Variants in ADCY8 observed in about 807,000 individuals in gnomAD.
ADCY8 encodes the protein adenylate cyclase 8.
In ADCY8, 51 loss-of-function variants were observed where a neutral mutation model predicts 119.7. That is an observed-to-expected ratio of 0.43 (90% CI 0.34 to 0.54). The LOEUF is 0.54. ADCY8 is among the 20% of genes least tolerant of loss of function. ADCY8 has a pLI of 0.03. For synonymous variants in ADCY8, 665 were observed against 651.0 expected, an observed-to-expected ratio of 1.02 and a Z score of -0.33; for missense variants, 1,383 against 1,598.8, an observed-to-expected ratio of 0.87 and a Z score of 2.30.
intron 8 of ADCY8, among the ~76,000 whole-genome samples, chr8:130,883,182 A>G (rs2130455861): frequency 6.6e-6 from 1 of 152,342 alleles, no homozygotes; most frequent in South Asian, 2.1e-4. Context: ...TTTAGCAAAA[A>G]TAAATAAAAG....
At chr8:130,948,074 G>C (rs1256187050) in intron 3 of ADCY8, among the ~76,000 whole-genome samples, 1 of 152,156 alleles carries the variant, frequency 6.6e-6, no homozygotes, top group East Asian at 1.9e-4. Flanking sequence ...ATAACCAAAT[G>C]CTGGGAACTT....
chr8:131,040,120 C>T lies in ADCY8; in HGVS notation c.214G>A (p.Ala72Thr), dbSNP rs1233532069. The change falls in exon 1 of 18, where the codon GCG becomes ACG. Residue 72 changes from alanine (A) to threonine (T), a missense_variant. Ala to Thr is a moderately conservative substitution (Grantham distance 58). Around this residue, in one of 2 missense-constraint regions of ADCY8, gnomAD observed 455 missense variants for 435.3 expected, o/e 1.05. Transcript: ENST00000286355. ...SGGSGKASDP[A>T]GGGPNHHAPQ... ...GCGTGGTGGTTGGGGCCGCCGCCCG[C>T]AGGGTCCGAGGCTTTGCCCGAGCCT... 8 of 1,526,848 alleles carry T rather than the reference C, an allele frequency of 5.2e-6. No individual in the cohort carries two copies. In the Admixed American group the frequency reaches 1.2e-4, roughly 23 times the overall value. The allele number at this position is 1,526,848 out of a possible 1,614,324, so 94.6% of individuals were successfully genotyped here.
intron 5 of ADCY8, among the ~76,000 whole-genome samples, chr8:130,926,003 T>G (rs888085433): frequency 6.6e-6 from 1 of 152,202 alleles, no homozygotes; most frequent in African/African-American, 2.4e-5. Context: ...GATCTGACCA[T>G]GTCACTTCCC....
intron 1 of ADCY8, among the ~76,000 whole-genome samples, chr8:131,010,109 A>G (rs1823253488): frequency 6.6e-6 from 1 of 152,220 alleles, no homozygotes; most frequent in Admixed American, 6.5e-5. Flanking sequence ...CATATTTACA[A>G]TGGAGCTGAG....
chr8:130,942,608 T>C (rs1249092656), intron 4 of ADCY8, among the ~76,000 whole-genome samples: 1 of 152,172 alleles, frequency 6.6e-6, no homozygotes, highest in African/African-American at 2.4e-5. Flanking sequence ...GCTCTAAAAA[T>C]GAACTCCCAC....
At position 131,040,177 on chromosome 8, in the gene ADCY8, C is replaced by G. The variant is rs765822672; in HGVS notation, c.157G>C (p.Gly53Arg). Reference protein sequence around the residue: ...RHITEQRFIHGHRGGSGSGSG... With the variant: ...RHITEQRFIHRHRGGSGSGSG... Reference sequence around the variant, plus strand: ...CCGCTGCCGCTGCCTCCCCGGTGCCCGTGAATGAAGCGCTGCTCCGTGATG... The same window carrying G: ...CCGCTGCCGCTGCCTCCCCGGTGCCGGTGAATGAAGCGCTGCTCCGTGATG... The change falls in exon 1 of 18, where the codon GGG becomes CGG. Residue 53 changes from glycine to arginine, a missense_variant. Physicochemically the swap from Gly to Arg is moderately radical, Grantham distance 125 (BLOSUM62 -2). Transcript: ENST00000286355. 1.0e-5 allele frequency: 16 copies of G among 1,534,190 alleles called. No homozygotes were observed. The South Asian group carries it at 1.2e-4, about 11-fold the overall frequency.
Position 130,781,924 on chromosome 8 carries a change from G to T in ADCY8, c.3269-1047C>A, listed in dbSNP as rs182389526. On this transcript the variant is annotated intron_variant, in intron 17 of 17. Transcript: ENST00000286355. Reference sequence around the variant, plus strand: ...TACAGTCCTAGGCATTGGGGATGTGGTGGGAAAGGAAAGAAATACAGCCCT... The same window carrying T: ...TACAGTCCTAGGCATTGGGGATGTGTTGGGAAAGGAAAGAAATACAGCCCT... Among the ~76,000 whole-genome samples, 6 of 152,304 alleles carry T rather than the reference G, an allele frequency of 3.9e-5. No individual in the cohort carries two copies. In the East Asian group the frequency reaches 1.2e-3, roughly 29 times the overall value.
At chr8:130,909,339 C>T (rs563906440) in intron 6 of ADCY8, among the ~76,000 whole-genome samples, 17 of 152,286 alleles carry the variant, frequency 1.1e-4, no homozygotes, top group Non-Finnish European at 2.1e-4. Context: ...CCTGGCTGCC[C>T]ATTACAATTC....
At chr8:130,807,935 G>A (rs1352315655) in intron 14 of ADCY8, among the ~76,000 whole-genome samples, 3 of 111,808 alleles carry the variant, frequency 2.7e-5, no homozygotes, top group African/African-American at 3.2e-5. Context: ...AGTGAGCCGA[G>A]ATCCCGCCAC....
At position 130,904,046 on chromosome 8, in the gene ADCY8, T is replaced by C. The variant is rs758200597; in HGVS notation, c.1641-4A>G. 2.2e-5 allele frequency: 36 copies of C among 1,610,232 alleles called. No homozygotes were observed. Among genetic ancestry groups the C allele is most frequent in the Non-Finnish European group, 2.8e-5 (33 of 1,177,548 alleles). On this transcript the variant is annotated splice_region_variant and splice_polypyrimidine_tract_variant and intron_variant, in intron 6 of 17. Coordinates refer to ENST00000286355, the MANE Select transcript of ADCY8 (RefSeq NM_001115.3). The stretch of plus-strand genomic sequence containing the variant: ...GGCTTTGGAAATGTGAATCCTCCTG[T>C]GTGTAGAAGGCATAGGTCATTACAC...
At chr8:130,789,542 A>G (rs1309259744) in intron 15 of ADCY8, among the ~76,000 whole-genome samples, 1 of 121,958 alleles carries the variant, frequency 8.2e-6, no homozygotes, top group Non-Finnish European at 1.7e-5. Context: ...ACTAGGTGAT[A>G]TTTGGATGGC....
At chr8:130,846,945 C>T (rs1424691157) in intron 11 of ADCY8, among the ~76,000 whole-genome samples, 1 of 141,010 alleles carries the variant, frequency 7.1e-6, no homozygotes, top group African/African-American at 2.6e-5. Context: ...CCTTCTCCTT[C>T]CTTCCTTCCT....
At chr8:130,972,300 G>A (rs1414293679) in intron 2 of ADCY8, among the ~76,000 whole-genome samples, 1 of 152,084 alleles carries the variant, frequency 6.6e-6, no homozygotes, top group Admixed American at 6.6e-5. Flanking sequence ...GTGTATATAG[G>A]TCAATACAGA....
chr8:131,001,570 T>C (rs1163923366), intron 1 of ADCY8, among the ~76,000 whole-genome samples: 1 of 147,840 alleles, frequency 6.8e-6, no homozygotes, highest in African/African-American at 2.5e-5. Flanking sequence ...ACAAATATTA[T>C]ATATTATATA....
At chr8:130,836,492 C>T (rs999960883) in intron 11 of ADCY8, 43 bp from the exon 12 acceptor site, 2 of 1,591,452 alleles carry the variant, frequency 1.3e-6, no homozygotes, top group Non-Finnish European at 1.7e-6. Flanking sequence ...ATGGGGGCAG[C>T]AGTTCCCTCT....
chr8:130,848,919 C>A (rs375881792), intron 10 of ADCY8, among the ~76,000 whole-genome samples: 1 of 152,112 alleles, frequency 6.6e-6, no homozygotes, highest in Admixed American at 6.5e-5. Context: ...CTATGTGTCA[C>A]GTGAAATACA....
Position 131,039,409 on chromosome 8 carries a change from C to T in ADCY8, c.925G>A (p.Val309Ile). 1.9e-6 allele frequency: 3 copies of T among 1,614,118 alleles called. No individual in the cohort carries two copies. The highest frequency in any genetic ancestry group is 2.5e-6 in the Non-Finnish European group (3 of 1,180,016). ...GAAATGACCGCCAGCCGGGGTATGA[C>T]CACTTGGAGGATGACCTGCAGCAGC... Reference protein sequence around the residue: ...TSLLQVILQVVIPRLAVISIN... With the variant: ...TSLLQVILQVIIPRLAVISIN... Residue 309 changes from valine (V) to isoleucine (I), a missense_variant, in exon 1 of 18, where the codon GTC (valine) becomes ATC (isoleucine). Val to Ile is a conservative substitution (Grantham distance 29). Coordinates refer to ENST00000286355, the MANE Select transcript of ADCY8 (RefSeq NM_001115.3).
At chr8:130,890,215 T>C (rs11784183) in intron 7 of ADCY8, among the ~76,000 whole-genome samples, 3 of 138,858 alleles carry the variant, frequency 2.2e-5, no homozygotes, top group African/African-American at 7.8e-5. Flanking sequence ...GTCAGGGGAG[T>C]GGGGAGGGAT....
chr8:130,816,838 T>A (rs263270), intron 13 of ADCY8, among the ~76,000 whole-genome samples: 146,569 of 152,300 alleles, frequency 0.96, 70,569 homozygotes, highest in African/African-American at 0.99. Flanking sequence ...GAAAATAGGG[T>A]TAGAATTTAA....
Sources: allele counts gnomAD v4.1 joint callset (sites outside exome capture counted in the v4.1 genomes callset), GRCh38; gene constraint gnomAD v4.1.1; regional missense constraint gnomAD v4.1.1; transcripts MANE v1.5; gene names NCBI Gene and HGNC (gene_info 2026-07-23, HGNC 2026-07-21).